The following THSD7B variants were observed in gnomAD, a reference collection of about 807,000 sequenced individuals.
THSD7B encodes the protein thrombospondin type-1 domain-containing protein 7B.
THSD7B carries 138 observed loss-of-function variants against 213.6 expected under a neutral mutation model. That is an observed-to-expected ratio of 0.65 (90% CI 0.56 to 0.74). The LOEUF (loss-of-function observed/expected upper bound fraction) is 0.74, where lower values mean the gene tolerates loss of function less well. Ranked by LOEUF, THSD7B falls within the 30% of genes least tolerant of loss-of-function variation. THSD7B has a pLI of 0.00. For synonymous variants in THSD7B, 742 were observed against 687.0 expected (o/e 1.08, Z -1.25); for missense variants, 1,931 against 1,991.5 (o/e 0.97, Z 0.58).
At chr2:137,296,240 T>C (rs569498851) in intron 12 of THSD7B, among the ~76,000 whole-genome samples, 1 of 152,300 alleles carries the variant, frequency 6.6e-6, no homozygotes, top group South Asian at 2.1e-4. Flanking sequence ...TCCTTTGTTT[T>C]ATGCTCAACT....
chr2:137,326,186 T>C (rs1181616669), intron 12 of THSD7B, among the ~76,000 whole-genome samples: 2 of 152,188 alleles, frequency 1.3e-5, no homozygotes, highest in Non-Finnish European at 2.9e-5. Context: ...ACATAGCTTC[T>C]ATCGAGACCC....
chr2:137,213,893 C>T (rs138057384), intron 7 of THSD7B, among the ~76,000 whole-genome samples: 6 of 152,194 alleles, frequency 3.9e-5, no homozygotes, highest in Non-Finnish European at 8.8e-5. Context: ...TCGTTAGCCC[C>T]ATAATGATAT....
chr2:137,231,236 G>C lies in THSD7B; in HGVS notation c.1915+1G>C. ...ACTATCCTGGCACTGGCTGGGGAAG[G>C]TGAGTAACAGAAAAGGTTTTCACTT... On this transcript the variant is annotated splice_donor_variant, in intron 8 of 27. Transcript: ENST00000409968. LOFTEE classifies it high-confidence loss of function. The C allele has an allele frequency of 6.2e-7, 1 of 1,600,878 alleles. No homozygotes were observed.
At chr2:137,388,854 A>G (rs537678677) in intron 12 of THSD7B, among the ~76,000 whole-genome samples, 8 of 152,144 alleles carry the variant, frequency 5.3e-5, no homozygotes, top group African/African-American at 1.9e-4. Flanking sequence ...ATTTAATTAT[A>G]TTTTTATGAG....
At chr2:137,280,288 C>T (rs1682976543) in intron 12 of THSD7B, among the ~76,000 whole-genome samples, 1 of 152,134 alleles carries the variant, frequency 6.6e-6, no homozygotes, top group Non-Finnish European at 1.5e-5. Context: ...GGGCCTCGTA[C>T]TTTCACTCTG....
At chr2:137,671,501 CTT>C (rs1181426753) in intron 27 of THSD7B, among the ~76,000 whole-genome samples, 1 of 394 alleles carries the variant, frequency 2.5e-3, no homozygotes, top group Non-Finnish European at 0.024. Context: ...CCTCAGGAAA[CTT>C]ACTTACTTAC....
intron 17 of THSD7B, among the ~76,000 whole-genome samples, chr2:137,597,531 G>A (rs763410896): frequency 2.0e-5 from 3 of 150,954 alleles, no homozygotes; most frequent in Non-Finnish European, 2.9e-5. Context: ...ACCTGGAATC[G>A]TGGGAAGAAT....
intron 12 of THSD7B, among the ~76,000 whole-genome samples, chr2:137,313,373 C>T (rs1046692005): frequency 1.3e-5 from 2 of 152,002 alleles, no homozygotes; most frequent in African/African-American, 4.8e-5. Context: ...GATCTTCCTC[C>T]ATCCTTTTAT....
chr2:137,543,901 G>A (rs1680652441), intron 15 of THSD7B, among the ~76,000 whole-genome samples: 1 of 151,664 alleles, frequency 6.6e-6, no homozygotes, highest in Admixed American at 6.6e-5. Context: ...AGTCATTAGG[G>A]AAATATAAAT....
In THSD7B at chr2:137,462,099, A is replaced by G. The variant is rs946138302; in HGVS notation, c.3138+11076A>G. 5.9e-5 allele frequency among the ~76,000 whole-genome samples: 9 copies of G among 152,108 alleles called. No individual in the cohort carries two copies. The East Asian group carries it at 1.4e-3, about 23-fold the overall frequency. On this transcript the variant is annotated intron_variant, in intron 15 of 27. Coordinates refer to ENST00000409968, the MANE Select transcript of THSD7B (RefSeq NM_001316349.2). ...GAAAAATTCCAGAAATAAACAATCC[A>G]TAAGTTTTACATTGTGCAGCATCCT...
intron 15 of THSD7B, among the ~76,000 whole-genome samples, chr2:137,470,218 A>G (rs1356190681): frequency 6.6e-6 from 1 of 152,180 alleles, no homozygotes; most frequent in African/African-American, 2.4e-5. Flanking sequence ...CAGACTTGGA[A>G]TCAATATGGG....
chr2:137,123,490 G>A (rs1688578817), intron 5 of THSD7B, among the ~76,000 whole-genome samples: 1 of 152,130 alleles, frequency 6.6e-6, no homozygotes, highest in Non-Finnish European at 1.5e-5. Flanking sequence ...ATGCCACACA[G>A]CATTCCCTCA....
chr2:137,142,466 GT>G (rs1679605787), intron 5 of THSD7B, among the ~76,000 whole-genome samples: 2 of 151,544 alleles, frequency 1.3e-5, no homozygotes, highest in South Asian at 4.1e-4. Context: ...TGTTGTTGTT[GT>G]TTTTGGAGGG....
At chr2:137,234,009 G>C (rs1253558143) in intron 9 of THSD7B, among the ~76,000 whole-genome samples, 2 of 152,196 alleles carry the variant, frequency 1.3e-5, no homozygotes, top group African/African-American at 4.8e-5. Flanking sequence ...GCAACATACA[G>C]TGCCTCCCCA....
intron 25 of THSD7B, 119 bp from the exon 26 acceptor site, chr2:137,663,264 C>A: frequency 1.2e-6 from 1 of 813,308 alleles, no homozygotes; most frequent in Non-Finnish European, 1.7e-6. Context: ...AGTCAGTTGC[C>A]CCAAACCCTA....
chr2:137,074,154 C>T (rs1293153704), intron 3 of THSD7B, among the ~76,000 whole-genome samples: 2 of 151,170 alleles, frequency 1.3e-5, no homozygotes, highest in African/African-American at 4.9e-5. Context: ...AACTTTCTGT[C>T]TCGTTGATCT....
intron 3 of THSD7B, among the ~76,000 whole-genome samples, chr2:137,062,955 C>A (rs1231837338): frequency 1.3e-5 from 2 of 151,774 alleles, no homozygotes; most frequent in African/African-American, 2.4e-5. Context: ...TTATAACAGA[C>A]CTTGCCTCAT....
chr2:137,192,575 A>G (rs956662261), intron 7 of THSD7B, among the ~76,000 whole-genome samples: 3 of 152,180 alleles, frequency 2.0e-5, no homozygotes, highest in African/African-American at 7.2e-5. Flanking sequence ...CAGGAAAGCA[A>G]TGGGCATTTT....
intron 2 of THSD7B, among the ~76,000 whole-genome samples, chr2:137,055,951 A>G (rs1687154312): frequency 6.6e-6 from 1 of 152,208 alleles, no homozygotes; most frequent in Non-Finnish European, 1.5e-5. Flanking sequence ...TGGAAATATG[A>G]AAAATTCTAC....
Sources: gnomAD v4.1 joint callset for allele counts (sites outside exome capture counted in the v4.1 genomes callset) on GRCh38, gnomAD v4.1.1 for gene constraint, MANE v1.5 for transcripts, NCBI Gene and HGNC (gene_info 2026-07-23, HGNC 2026-07-21) for gene names.